The following FAM163B variants were observed in gnomAD, a reference collection of about 807,000 sequenced individuals.
The protein encoded by FAM163B is family with sequence similarity 163 member B, also known as protein FAM163B.
A neutral mutation model predicts 7.6 loss-of-function variants in FAM163B; 4 were observed. The observed-to-expected ratio is 0.52, with a 90% confidence interval of 0.26 to 1.20. FAM163B has a LOEUF of 1.20. Among genes scored for constraint, FAM163B ranks in the 50% most tolerant of loss-of-function variants. The pLI is 0.14. For synonymous variants in FAM163B, 120 were observed against 111.6 expected (o/e 1.07, Z -0.47); for missense variants, 250 against 243.0 (o/e 1.03, Z -0.19).
chr9:133,583,617 G>A (rs904220961), intron 1 of FAM163B, among the ~76,000 whole-genome samples: 2 of 152,268 alleles, frequency 1.3e-5, no homozygotes, highest in South Asian at 2.1e-4. Context: ...AGCTGGCCCC[G>A]CTCGCCGCAA....
intron 1 of FAM163B, among the ~76,000 whole-genome samples, chr9:133,599,822 CATGA>C (rs1417016418): frequency 4.8e-5 from 7 of 145,016 alleles, no homozygotes; most frequent in African/African-American, 7.7e-5. Context: ...TGTATATGTG[CATGA>C]ATGTGTGTCT....
rs1447201183 is a variant in FAM163B, at chr9:133,577,377, C to T, written c.*1645G>A. 4.7e-5 allele frequency among the ~76,000 whole-genome samples: 7 copies of T among 148,956 alleles called. No individual in the cohort carries two copies. The highest frequency in any genetic ancestry group is 2.7e-4 in the Admixed American group (4 of 14,986). ...GGGCGGGCCCGGGGGGCCGGGGCTGCGAGGGACCTCAAGGGCGAATGCCAC... is the reference window on the plus strand; with the variant it reads ...GGGCGGGCCCGGGGGGCCGGGGCTGTGAGGGACCTCAAGGGCGAATGCCAC... On this transcript the variant is annotated 3_prime_UTR_variant, in exon 3 of 3. Transcript: ENST00000673969.
chr9:133,588,593 T>G (rs76516064), intron 1 of FAM163B, among the ~76,000 whole-genome samples: 3 of 152,092 alleles, frequency 2.0e-5, no homozygotes, highest in Non-Finnish European at 4.4e-5. Flanking sequence ...GGATCTAGCA[T>G]GTTGAGGGAT....
intron 1 of FAM163B, among the ~76,000 whole-genome samples, chr9:133,589,545 C>G (rs1241265109): frequency 6.6e-6 from 1 of 152,164 alleles, no homozygotes; most frequent in Non-Finnish European, 1.5e-5. Context: ...TCACCGCCTT[C>G]CCTGCATCAG....
intron 2 of FAM163B, 126 bp from the exon 3 acceptor site, chr9:133,579,555 G>C (rs954561177): frequency 8.4e-6 from 10 of 1,185,588 alleles, no homozygotes; most frequent in Non-Finnish European, 1.2e-5. Context: ...CCAAGCCCAG[G>C]CCTGACACCT....
intron 1 of FAM163B, among the ~76,000 whole-genome samples, chr9:133,604,514 T>C (rs892179454): frequency 6.6e-6 from 1 of 152,104 alleles, no homozygotes; most frequent in Admixed American, 6.5e-5. Flanking sequence ...CAACAAAAGC[T>C]GAATAGCTTG....
At chr9:133,609,023 C>A (rs1293875846) in intron 1 of FAM163B, among the ~76,000 whole-genome samples, 54 bp downstream of exon 1, 1 of 152,218 alleles carries the variant, frequency 6.6e-6, no homozygotes, top group Non-Finnish European at 1.5e-5. Context: ...TGGAGCTTTC[C>A]AGCCTGCGTC....
chr9:133,584,802 C>A (rs951918499), intron 1 of FAM163B, among the ~76,000 whole-genome samples: 1 of 152,210 alleles, frequency 6.6e-6, no homozygotes, highest in Non-Finnish European at 1.5e-5. Context: ...GGAGGCAGAG[C>A]CATGCGGGTC....
chr9:133,602,877 C>T (rs1000685283), intron 1 of FAM163B, among the ~76,000 whole-genome samples: 5 of 152,186 alleles, frequency 3.3e-5, no homozygotes, highest in African/African-American at 1.2e-4. Flanking sequence ...AGAATCGAAT[C>T]ATTATATCCC....
At chr9:133,579,500 C>T (rs1342279510) in intron 2 of FAM163B, 71 bp from the exon 3 acceptor site, 18 of 1,485,140 alleles carry the variant, frequency 1.2e-5, no homozygotes, top group South Asian at 5.3e-5. Context: ...GGAAAGGCTA[C>T]CCCTGACTGG....
At chr9:133,589,428 G>A (rs1831501413) in intron 1 of FAM163B, among the ~76,000 whole-genome samples, 1 of 152,248 alleles carries the variant, frequency 6.6e-6, no homozygotes, top group South Asian at 2.1e-4. Flanking sequence ...GTCACATGGT[G>A]AGGGGTGAGG....
chr9:133,593,855 G>A (rs549831276), intron 1 of FAM163B, among the ~76,000 whole-genome samples: 3 of 152,276 alleles, frequency 2.0e-5, no homozygotes, highest in Non-Finnish European at 2.9e-5. Context: ...CTTTGATGGC[G>A]CCTCACTGGC....
intron 1 of FAM163B, among the ~76,000 whole-genome samples, chr9:133,598,973 G>T (rs1831671410): frequency 6.6e-6 from 1 of 152,074 alleles, no homozygotes; most frequent in South Asian, 2.1e-4. Flanking sequence ...GGGGAAGGAT[G>T]CCAGCCTGCC....
chr9:133,583,742 C>A (rs113391089), intron 1 of FAM163B, among the ~76,000 whole-genome samples: 1 of 152,204 alleles, frequency 6.6e-6, no homozygotes, highest in Non-Finnish European at 1.5e-5. Flanking sequence ...GGAAGGGTGC[C>A]GGCTCAGGCC....
rs565469306 is a variant in FAM163B, at chr9:133,600,217, G to T, written c.-24+8860C>A. ...ATGTGGTCTGTGTGAGTGTGTGTGT[G>T]TGGGGGGGAATGTGGTCTGTGTGCA... is the stretch of plus-strand genomic sequence containing the variant. On this transcript the variant is annotated intron_variant, in intron 1 of 2. Coordinates refer to ENST00000673969, the MANE Select transcript of FAM163B (RefSeq NM_001080515.3). This position sits in a 1 kb window ranked among gnomAD's most constrained non-coding sequence, Gnocchi z 4.9. 1.1e-4 allele frequency among the ~76,000 whole-genome samples: 16 copies of T among 150,664 alleles called. No homozygotes were observed. The highest frequency in any genetic ancestry group is 2.0e-4 in the East Asian group (1 of 5,092).
chr9:133,589,660 T>C (rs547998758), intron 1 of FAM163B, among the ~76,000 whole-genome samples: 127 of 152,060 alleles, frequency 8.4e-4, no homozygotes, highest in African/African-American at 2.9e-3. Context: ...TTGGTGCTGA[T>C]TTCAATGCAG....
chr9:133,605,701 G>A (rs147129864), intron 1 of FAM163B, among the ~76,000 whole-genome samples: 444 of 152,190 alleles, frequency 2.9e-3, no homozygotes, highest in African/African-American at 9.8e-3. Flanking sequence ...CCCCGGGGCC[G>A]CAACCTCACT....
chr9:133,579,477 G>T, intron 2 of FAM163B, 48 bp from the exon 3 acceptor site: 1 of 1,508,514 alleles, frequency 6.6e-7, no homozygotes, highest in Non-Finnish European at 8.9e-7. Flanking sequence ...TCCCACCCCA[G>T]AACCGACATG....
Position 133,600,856 on chromosome 9 carries a change from C to CT in FAM163B, c.-24+8220dup, listed in dbSNP as rs1278684552. On this transcript the variant is annotated intron_variant, in intron 1 of 2. Transcript: ENST00000673969. The surrounding 1 kb of genome is among the most constrained non-coding windows in gnomAD (Gnocchi z 4.9). ...ACAATCACAGACGCTCCCTAACCCC[C>CT]TTTCCCCTCGCAAATAACAATTCAT... Among the ~76,000 whole-genome samples, 1 of 152,158 alleles carries CT rather than the reference C, an allele frequency of 6.6e-6. No individual in the cohort carries two copies. The highest frequency in any genetic ancestry group is 2.4e-5 in the African/African-American group (1 of 41,436).
Sources: allele counts gnomAD v4.1 joint callset (sites outside exome capture counted in the v4.1 genomes callset), GRCh38; gene constraint gnomAD v4.1.1; non-coding constraint Gnocchi (gnomAD v3.1); transcripts MANE v1.5; gene names NCBI Gene and HGNC (gene_info 2026-07-23, HGNC 2026-07-21).